CNBD1: variants seen among roughly 807,000 people sequenced by gnomAD.
CNBD1 encodes the protein cyclic nucleotide-binding domain-containing protein 1.
In CNBD1, 71 loss-of-function variants were observed where a neutral mutation model predicts 54.4. The ratio of observed to expected loss-of-function variants is 1.30; its 90% CI spans 1.08 to 1.59. CNBD1 has a LOEUF of 1.59. Among genes scored for constraint, CNBD1 ranks in the 40% most tolerant of loss-of-function variants. CNBD1 has a pLI of 0.00. For missense variants in CNBD1, 659 were observed against 518.0 expected, an observed-to-expected ratio of 1.27 and a Z score of -2.64; for synonymous variants, 182 against 170.7, an observed-to-expected ratio of 1.07 and a Z score of -0.51.
chr8:87,374,677 T>A (rs1586059222), intron 10 of CNBD1, among the ~76,000 whole-genome samples: 1 of 151,928 alleles, frequency 6.6e-6, no homozygotes, highest in East Asian at 1.9e-4. Context: ...GGGAACATAT[T>A]ATTGCCTGGC....
chr8:87,385,880 C>G (rs10086322), downstream of CNBD1, among the ~76,000 whole-genome samples: 5,422 of 152,272 alleles, frequency 0.036, 131 homozygotes, highest in Middle Eastern at 0.058. Flanking sequence ...TAGGGTCAGA[C>G]TGACAACTCA....
chr8:87,416,619 A>G (rs556305686), intron 2 of CNBD1, among the ~76,000 whole-genome samples: 1 of 152,138 alleles, frequency 6.6e-6, no homozygotes. Context: ...ATTCTCTGGA[A>G]GATTCACCTT....
At chr8:87,022,030 C>T (rs1265161542) in intron 4 of CNBD1, among the ~76,000 whole-genome samples, 3 of 152,076 alleles carry the variant, frequency 2.0e-5, no homozygotes, top group African/African-American at 7.2e-5. Context: ...AAATAGCATA[C>T]CCATGTTTGA....
intron 4 of CNBD1, among the ~76,000 whole-genome samples, chr8:87,096,639 A>T (rs1188396316): frequency 6.6e-6 from 1 of 152,180 alleles, no homozygotes; most frequent in East Asian, 1.9e-4. Context: ...CCTGCCTTTT[A>T]GCTGAGAAGA....
At chr8:87,033,406 G>A (rs775136712) in intron 4 of CNBD1, among the ~76,000 whole-genome samples, 8 of 152,160 alleles carry the variant, frequency 5.3e-5, no homozygotes, top group Non-Finnish European at 1.2e-4. Flanking sequence ...TTACTGACAA[G>A]GTAATTCTTG....
chr8:87,390,079 C>A (rs1308662537), intron 2 of CNBD1, among the ~76,000 whole-genome samples: 10 of 150,862 alleles, frequency 6.6e-5, no homozygotes, highest in Admixed American at 1.3e-4. Context: ...CTTCCTTACA[C>A]CTTATACAAA....
intron 7 of CNBD1, 47 bp from the exon 8 acceptor site, chr8:87,286,492 T>A: frequency 8.7e-7 from 1 of 1,143,662 alleles, no homozygotes; most frequent in Non-Finnish European, 1.3e-6. Flanking sequence ...TTTCTTTGAT[T>A]TTAAATTGCC....
chr8:87,260,754 G>A (rs974783375), intron 6 of CNBD1, among the ~76,000 whole-genome samples: 1 of 151,722 alleles, frequency 6.6e-6, no homozygotes, highest in East Asian at 1.9e-4. Context: ...TTTTTTCACT[G>A]TGTTGTTGTT....
intron 4 of CNBD1, among the ~76,000 whole-genome samples, chr8:87,028,814 A>G (rs1162392116): frequency 6.6e-6 from 1 of 152,232 alleles, no homozygotes; most frequent in African/African-American, 2.4e-5. Context: ...TTCAAGCTTT[A>G]AGACCAGCAG....
At chr8:87,265,857 A>G (rs1222656455) in intron 6 of CNBD1, among the ~76,000 whole-genome samples, 1 of 152,152 alleles carries the variant, frequency 6.6e-6, no homozygotes, top group Non-Finnish European at 1.5e-5. Flanking sequence ...GAAACTACTG[A>G]AGAAATGAGT....
At chr8:86,904,171 T>G (rs974598905) in intron 2 of CNBD1, among the ~76,000 whole-genome samples, 3 of 152,046 alleles carry the variant, frequency 2.0e-5, no homozygotes, top group Non-Finnish European at 4.4e-5. Context: ...AAAAAGACTT[T>G]TTAAAAAAGC....
chr8:87,010,400 C>CT (rs1394107079), intron 4 of CNBD1, among the ~76,000 whole-genome samples: 1 of 151,942 alleles, frequency 6.6e-6, no homozygotes, highest in Non-Finnish European at 1.5e-5. Context: ...CTACTAGGTT[C>CT]TTTTTTTCTG....
intron 10 of CNBD1, among the ~76,000 whole-genome samples, chr8:87,379,221 C>T (rs537590427): frequency 2.6e-5 from 4 of 152,086 alleles, no homozygotes; most frequent in South Asian, 2.1e-4. Flanking sequence ...GAGGGCATCC[C>T]TGTCTTGTGA....
chr8:87,135,397 T>C (rs6996429), intron 4 of CNBD1, among the ~76,000 whole-genome samples: 5,226 of 151,782 alleles, frequency 0.034, 301 homozygotes, highest in African/African-American at 0.12. Flanking sequence ...AGTAATCTTT[T>C]CCTTGCTTTA....
At chr8:87,396,522 A>G (rs62528171) in intron 2 of CNBD1, among the ~76,000 whole-genome samples, 6,644 of 151,960 alleles carry the variant, frequency 0.044, 188 homozygotes, top group Non-Finnish European at 0.06. Flanking sequence ...GATATTTACC[A>G]GGAATGAGAA....
At chr8:87,242,579 G>C (rs928135021) in intron 6 of CNBD1, among the ~76,000 whole-genome samples, 8 of 152,138 alleles carry the variant, frequency 5.3e-5, no homozygotes, top group African/African-American at 1.9e-4. Flanking sequence ...GACTTAGAAG[G>C]CCCCTCTTCA....
chr8:86,986,670 A>G (rs999037637), intron 4 of CNBD1, among the ~76,000 whole-genome samples: 8 of 152,176 alleles, frequency 5.3e-5, no homozygotes, highest in Non-Finnish European at 4.4e-5. Context: ...TCTTTAATCC[A>G]TCTTGAGTTT....
intron 4 of CNBD1, among the ~76,000 whole-genome samples, chr8:86,978,225 C>A (rs887189197): frequency 2.0e-5 from 3 of 152,104 alleles, no homozygotes; most frequent in Non-Finnish European, 4.4e-5. Flanking sequence ...TTACTAAAAT[C>A]AACTTCAAAC....
At chr8:87,109,260 T>A (rs1342712857) in intron 4 of CNBD1, among the ~76,000 whole-genome samples, 1 of 152,166 alleles carries the variant, frequency 6.6e-6, no homozygotes, top group Admixed American at 6.6e-5. Context: ...TTCTAATTCA[T>A]AGGACTATTT....
Sources: gnomAD v4.1 joint callset for allele counts (sites outside exome capture counted in the v4.1 genomes callset) on GRCh38, gnomAD v4.1.1 for gene constraint, MANE v1.5 for transcripts, NCBI Gene and HGNC (gene_info 2026-07-23, HGNC 2026-07-21) for gene names.